The following NFATC1 variants were observed in gnomAD, a reference collection of about 807,000 sequenced individuals.
NFATC1 encodes nuclear factor of activated T-cells, cytoplasmic 1.
In NFATC1, 22 loss-of-function variants were observed where a neutral mutation model predicts 76.0. The observed-to-expected ratio is 0.29, with a 90% CI of 0.21 to 0.41. NFATC1 has a LOEUF of 0.41. NFATC1 is among the 10% of genes least tolerant of loss of function. The probability of loss-of-function intolerance (pLI) is 1.00; values close to 1 mark genes in which losing one functional copy is unlikely to be tolerated. For missense variants in NFATC1, 1,357 were observed against 1,337.7 expected (o/e 1.01, Z -0.23); for synonymous variants, 704 against 613.1 (o/e 1.15, Z -2.19).
intron 9 of NFATC1, 102 bp downstream of exon 9, chr18:79,487,039 G>A: frequency 1.5e-6 from 2 of 1,302,702 alleles, no homozygotes; most frequent in South Asian, 1.5e-5. Context: ...GTGTGGAAGT[G>A]CACCGAGGCA....
At chr18:79,454,217 G>T (rs2087592975) in intron 6 of NFATC1, among the ~76,000 whole-genome samples, 1 of 152,226 alleles carries the variant, frequency 6.6e-6, no homozygotes, top group African/African-American at 2.4e-5. Context: ...CATTCCGAGG[G>T]TGCAGATGGT....
intron 9 of NFATC1, among the ~76,000 whole-genome samples, chr18:79,523,596 T>C (rs962796229): frequency 1.1e-4 from 16 of 152,260 alleles, no homozygotes; most frequent in African/African-American, 3.4e-4. Flanking sequence ...CCTGCCCTTG[T>C]ACTTGGTAGT....
At chr18:79,471,507 G>A (rs989458968) in intron 8 of NFATC1, among the ~76,000 whole-genome samples, 3 of 152,168 alleles carry the variant, frequency 2.0e-5, no homozygotes, top group South Asian at 2.1e-4. Flanking sequence ...GTCTGAAGTC[G>A]TTTTAGTCGG....
At chr18:79,515,190 C>T (rs2090348440) in intron 9 of NFATC1, among the ~76,000 whole-genome samples, 1 of 151,746 alleles carries the variant, frequency 6.6e-6, no homozygotes, top group African/African-American at 2.4e-5. Context: ...ACTAAAAATA[C>T]AAAAATTAGC....
rs2090688341 is a variant in NFATC1 at position 79,524,193 on chromosome 18, C to T, written c.2783-3335C>T. Among the ~76,000 whole-genome samples the T allele has an allele frequency of 6.6e-6, 1 of 152,154 alleles. No homozygotes were observed. The highest frequency in any genetic ancestry group is 2.1e-4 in the South Asian group (1 of 4,828). On this transcript the variant is annotated intron_variant, in intron 9 of 9. Coordinates refer to ENST00000427363, the MANE Select transcript of NFATC1 (RefSeq NM_001278669.2). The surrounding 1 kb of genome is among the most constrained non-coding windows in gnomAD (Gnocchi z 7.2). ...GGGGTGGGGGGGCGGTCCTGTCTTT[C>T]AGCCCAGCGCCAGCGAGCCACATGG...
intron 8 of NFATC1, among the ~76,000 whole-genome samples, chr18:79,483,518 G>C (rs539403382): frequency 8.0e-6 from 1 of 125,766 alleles, no homozygotes; most frequent in Non-Finnish European, 1.6e-5. Context: ...TCACTCCGGC[G>C]TGACCTGGTC....
chr18:79,402,887 C>T (rs767265587), intron 1 of NFATC1, among the ~76,000 whole-genome samples: 4 of 152,222 alleles, frequency 2.6e-5, no homozygotes, highest in Non-Finnish European at 4.4e-5. Flanking sequence ...AACTACTTCA[C>T]GTTGTTTCTG....
intron 2 of NFATC1, among the ~76,000 whole-genome samples, chr18:79,420,429 G>A (rs1321680305): frequency 2.7e-5 from 4 of 149,844 alleles, no homozygotes; most frequent in African/African-American, 7.4e-5. Context: ...AGAGGGGGAC[G>A]CCTTTCCAGG....
In NFATC1 at chr18:79,527,608, G is replaced by C. The variant is rs1243828712; in HGVS notation, c.*31G>C. On this transcript the variant is annotated 3_prime_UTR_variant, in exon 10 of 10. Transcript: ENST00000427363. ...ACATTGGAGCACTCAGTTCAGCAGG[G>C]GTATGCTGACTTCAGCAGACAAAGA... The C allele has an allele frequency of 3.7e-6, 6 of 1,600,618 alleles. No individual in the cohort carries two copies. The highest frequency in any genetic ancestry group is 1.7e-4 in the Middle Eastern group (1 of 6,044).
chr18:79,475,837 C>T (rs1041301180), intron 8 of NFATC1, among the ~76,000 whole-genome samples: 41 of 152,220 alleles, frequency 2.7e-4, no homozygotes, highest in African/African-American at 8.9e-4. Flanking sequence ...TCAGGCCGTG[C>T]GTGTCCTCAG....
chr18:79,476,571 A>T (rs893897), intron 8 of NFATC1, among the ~76,000 whole-genome samples: 2 of 151,610 alleles, frequency 1.3e-5, no homozygotes, highest in African/African-American at 4.9e-5. Context: ...GCCACCTGAG[A>T]CCCCCATCAA....
intron 8 of NFATC1, among the ~76,000 whole-genome samples, chr18:79,481,438 G>A (rs1436267564): frequency 2.6e-5 from 4 of 152,246 alleles, no homozygotes; most frequent in Non-Finnish European, 4.4e-5. Flanking sequence ...AAAACGAGGC[G>A]GGTAGGGTTT....
At chr18:79,519,749 C>G (rs888728203) in intron 9 of NFATC1, among the ~76,000 whole-genome samples, 5 of 152,158 alleles carry the variant, frequency 3.3e-5, no homozygotes, top group Non-Finnish European at 1.5e-5. Flanking sequence ...ATTCTCAGAA[C>G]GTTGAAGGGA....
intron 8 of NFATC1, among the ~76,000 whole-genome samples, chr18:79,478,079 CT>C (rs1307317617): frequency 6.8e-6 from 1 of 146,826 alleles, no homozygotes; most frequent in African/African-American, 2.5e-5. Context: ...CCCTGCCCCC[CT>C]GCCTGCCCAT....
chr18:79,491,714 G>A (rs1245604271), intron 9 of NFATC1, among the ~76,000 whole-genome samples: 1 of 152,226 alleles, frequency 6.6e-6, no homozygotes, highest in Admixed American at 6.5e-5. Flanking sequence ...CCTGGCATGG[G>A]GTGCAGATTT....
intron 1 of NFATC1, among the ~76,000 whole-genome samples, chr18:79,402,104 T>C (rs191243536): frequency 6.8e-4 from 103 of 152,372 alleles, no homozygotes; most frequent in Admixed American, 1.5e-3. Context: ...CAAGGGCCAC[T>C]TCCGTGCCTC....
Position 79,467,466 on chromosome 18 carries a change from A to G in NFATC1, c.1976A>G (p.Glu659Gly), listed in dbSNP as rs1299384026. The change falls in exon 8 of 10, where the codon GAG becomes GGG. Residue 659 changes from glutamate (E) to glycine (G), a missense_variant. Transcript: ENST00000427363. ...CTCCTGTAGAATTCTCTGGTGGTTG[A>G]GATCCCGCCATTTCGGAATCAGAGG... ...DLCKPNSLVV[E>G]IPPFRNQRIT... 3 of 1,604,858 alleles carry G rather than the reference A, an allele frequency of 1.9e-6. No individual in the cohort carries two copies.
intron 9 of NFATC1, among the ~76,000 whole-genome samples, chr18:79,519,605 C>CT (rs1368668958): frequency 2.0e-5 from 3 of 152,208 alleles, no homozygotes; most frequent in Non-Finnish European, 4.4e-5. Context: ...TCCCAAAGTG[C>CT]TGGGATTACA....
At chr18:79,467,889 A>G in intron 8 of NFATC1, 1 of 1,173,236 alleles carries the variant, frequency 8.5e-7, no homozygotes, top group Non-Finnish European at 1.1e-6. Flanking sequence ...GCTCCAAAAA[A>G]CTGAGGGGGT....
Sources: allele counts gnomAD v4.1 joint callset (sites outside exome capture counted in the v4.1 genomes callset), GRCh38; gene constraint gnomAD v4.1.1; non-coding constraint Gnocchi (gnomAD v3.1); transcripts MANE v1.5; gene names NCBI Gene and HGNC (gene_info 2026-07-23, HGNC 2026-07-21).